Variants in AFAP1L2 observed in about 807,000 individuals in gnomAD.
AFAP1L2 encodes actin filament associated protein 1 like 2, also known as actin filament-associated protein 1-like 2.
AFAP1L2 carries 46 observed loss-of-function variants against 99.3 expected under a neutral mutation model. That is an observed-to-expected ratio of 0.46 (90% CI 0.37 to 0.59). AFAP1L2 has a LOEUF of 0.59. AFAP1L2 is among the 20% of genes least tolerant of loss of function. The pLI is 0.00. For missense variants in AFAP1L2, 959 were observed against 1,034.9 expected (o/e 0.93, Z 1.01); for synonymous variants, 397 against 419.1 (o/e 0.95, Z 0.64).
chr10:114,297,022 A>G lies in AFAP1L2; in HGVS notation c.2386T>C (p.Ser796Pro). ...SATTLKNRPL[S>P]VVVTGKGTVL... is the part of the protein sequence containing the mutation. ...GTGCCTTTGCCTGTGACCACGACCG[A>G]GAGAGGCCTGTTCTTGAGTGTGGTT... The change falls in exon 18 of 19, where the codon TCG becomes CCG. Residue 796 changes from serine to proline, a missense_variant. Coordinates refer to ENST00000304129, the MANE Select transcript of AFAP1L2 (RefSeq NM_001001936.3). 1 of 1,614,094 alleles carries G rather than the reference A, an allele frequency of 6.2e-7. No individual in the cohort carries two copies. The highest frequency in any genetic ancestry group is 8.5e-7 in the Non-Finnish European group (1 of 1,180,002).
chr10:114,395,930 A>G lies in AFAP1L2; in HGVS notation c.16+8510T>C, dbSNP rs558248495. Among the ~76,000 whole-genome samples, 483 of 152,298 alleles carry G rather than the reference A, an allele frequency of 3.2e-3. 4 individuals are homozygous for G. Among genetic ancestry groups the G allele is most frequent in the African/African-American group, 0.011 (455 of 41,548 alleles). ...GGGAAATTTCACTTCAAATATGCAC[A>G]AAAACACTGCCTGCCTCTCTAACAT... On this transcript the variant is annotated intron_variant, in intron 1 of 18. Transcript: ENST00000304129.
intron 11 of AFAP1L2, 126 bp from the exon 12 acceptor site, chr10:114,302,610 G>A (rs544775185): frequency 3.9e-5 from 46 of 1,182,834 alleles, no homozygotes; most frequent in African/African-American, 2.0e-4. Flanking sequence ...GTAACAGCCC[G>A]GGGCTGTGCT....
intron 1 of AFAP1L2, among the ~76,000 whole-genome samples, chr10:114,389,769 G>A (rs1590818438): frequency 6.6e-6 from 1 of 152,202 alleles, no homozygotes; most frequent in African/African-American, 2.4e-5. Flanking sequence ...CGTAGGGATA[G>A]TCTGTTATCA....
chr10:114,336,795 T>C (rs902994249), intron 2 of AFAP1L2, among the ~76,000 whole-genome samples: 7 of 151,992 alleles, frequency 4.6e-5, no homozygotes, highest in Non-Finnish European at 1.0e-4. Context: ...AAGCCCTCAA[T>C]AAACAGATCT....
At chr10:114,319,536 A>G (rs1264604083) in intron 5 of AFAP1L2, 1 of 1,286,678 alleles carries the variant, frequency 7.8e-7, no homozygotes, top group Non-Finnish European at 1.0e-6. Flanking sequence ...AATCACTGGC[A>G]TTCCAGCTCG....
In AFAP1L2 at chr10:114,310,622, C is replaced by G. The variant is rs538963147; in HGVS notation, c.793-179G>C. Among the ~76,000 whole-genome samples the G allele has an allele frequency of 1.2e-3, 182 of 152,330 alleles. 1 individual carries two copies. Among genetic ancestry groups the G allele is most frequent in the East Asian group, 1.7e-3 (9 of 5,186 alleles). ...CCCAAGGCCTGCATGTGGCCTCAGA[C>G]CCAGCTGGGCAGGCTGCAGTGGGGA... On this transcript the variant is annotated intron_variant, in intron 7 of 18. Coordinates refer to ENST00000304129, the MANE Select transcript of AFAP1L2 (RefSeq NM_001001936.3).
intron 1 of AFAP1L2, among the ~76,000 whole-genome samples, chr10:114,343,304 C>T (rs2049062057): frequency 6.6e-6 from 1 of 152,226 alleles, no homozygotes; most frequent in East Asian, 1.9e-4. Flanking sequence ...AACTTGCCCA[C>T]CATCCAGAAC....
chr10:114,316,872 T>C (rs984830127), intron 5 of AFAP1L2, among the ~76,000 whole-genome samples: 8 of 152,222 alleles, frequency 5.3e-5, no homozygotes, highest in Non-Finnish European at 8.8e-5. Flanking sequence ...CTTGATGCTC[T>C]GCCCAAATTT....
At chr10:114,383,979 G>A (rs757313833) in intron 1 of AFAP1L2, among the ~76,000 whole-genome samples, 46 of 152,158 alleles carry the variant, frequency 3.0e-4, no homozygotes, top group Admixed American at 1.0e-3. Flanking sequence ...AGCAGGCCCC[G>A]CCTTCCGGTC....
intron 16 of AFAP1L2, among the ~76,000 whole-genome samples, chr10:114,298,784 G>A (rs2133942561): frequency 6.6e-6 from 1 of 152,274 alleles, no homozygotes; most frequent in East Asian, 1.9e-4. Flanking sequence ...AAGACTTCTT[G>A]GCAAGTATCT....
chr10:114,362,888 T>C (rs983566883), intron 1 of AFAP1L2: 11 of 921,536 alleles, frequency 1.2e-5, no homozygotes, highest in Non-Finnish European at 1.4e-5. Context: ...TTTGAAAACA[T>C]TCACTCTGCT....
At chr10:114,299,190 C>A in intron 16 of AFAP1L2, 70 bp downstream of exon 16, 1 of 1,580,282 alleles carries the variant, frequency 6.3e-7, no homozygotes, top group South Asian at 1.2e-5. Context: ...ACAGCCAGAT[C>A]TTCCGCCAAA....
intron 2 of AFAP1L2, among the ~76,000 whole-genome samples, chr10:114,339,163 A>C (rs1357962970): frequency 6.6e-6 from 1 of 152,262 alleles, no homozygotes; most frequent in Non-Finnish European, 1.5e-5. Context: ...AGTGCTTTGA[A>C]AATACTTCAC....
intron 1 of AFAP1L2, among the ~76,000 whole-genome samples, chr10:114,384,404 C>CG (rs988637640): frequency 2.0e-5 from 3 of 152,188 alleles, no homozygotes; most frequent in African/African-American, 7.2e-5. Flanking sequence ...TTGTTCCCCC[C>CG]ACACTTGTCC....
rs140200441 is a variant in AFAP1L2, at chr10:114,297,352, G to A, written c.2175C>T (p.Gly725=). Residue 725 remains glycine (G), a synonymous_variant, in exon 17 of 19, where the codon GGC becomes GGT. Coordinates refer to ENST00000304129, the MANE Select transcript of AFAP1L2 (RefSeq NM_001001936.3). The part of the protein sequence containing the change: ...KLKEIDEECR[G]EESRRVDLEL... ...CCAGGTCCACGCGCCTGCTCTCCTC[G>A]CCCCGGCACTCCTCGTCAATTTCCT... 6.4e-5 allele frequency: 104 copies of A among 1,613,510 alleles called. No individual in the cohort carries two copies. Among genetic ancestry groups the A allele is most frequent in the African/African-American group, 4.9e-4 (37 of 74,910 alleles).
intron 18 of AFAP1L2, 111 bp from the exon 19 acceptor site, chr10:114,296,179 C>T: frequency 4.9e-6 from 7 of 1,439,854 alleles, no homozygotes; most frequent in Non-Finnish European, 5.8e-6. Context: ...CTATTTTAGG[C>T]ACAGAGGTGA....
intron 1 of AFAP1L2, chr10:114,362,970 C>G (rs1412389863): frequency 1.3e-5 from 13 of 985,354 alleles, no homozygotes; most frequent in Non-Finnish European, 1.6e-5. Flanking sequence ...CACAGTGGGC[C>G]GGGGAATTCC....
At chr10:114,358,243 A>G (rs1322476914) in intron 1 of AFAP1L2, among the ~76,000 whole-genome samples, 1 of 152,362 alleles carries the variant, frequency 6.6e-6, no homozygotes, top group African/African-American at 2.4e-5. Flanking sequence ...AGGAAGATAG[A>G]ATTACAGTTA....
chr10:114,403,029 G>A (rs184545712), intron 1 of AFAP1L2, among the ~76,000 whole-genome samples: 5 of 152,344 alleles, frequency 3.3e-5, no homozygotes, highest in Non-Finnish European at 7.3e-5. Context: ...CAGGACTGTG[G>A]CTTCCTCAAG....
Sources: allele counts gnomAD v4.1 joint callset (sites outside exome capture counted in the v4.1 genomes callset), GRCh38; gene constraint gnomAD v4.1.1; transcripts MANE v1.5; gene names NCBI Gene and HGNC (gene_info 2026-07-23, HGNC 2026-07-21).